The following TAOK1 variants were observed in gnomAD, a reference collection of about 807,000 sequenced individuals.
The protein encoded by TAOK1 is TAO kinase 1.
Under a neutral mutation model 138.3 loss-of-function variants are expected in TAOK1, and 21 were observed. The observed-to-expected ratio is 0.15, with a 90% CI of 0.11 to 0.22. The LOEUF (loss-of-function observed/expected upper bound fraction) is 0.22, where lower values mean the gene tolerates loss of function less well. TAOK1 is among the 10% of genes least tolerant of loss of function. The pLI, the probability that TAOK1 is intolerant of heterozygous loss-of-function variation, is 1.00. For synonymous variants in TAOK1, 361 were observed against 398.4 expected (o/e 0.91, Z 1.12); for missense variants, 651 against 1,227.7 (o/e 0.53, Z 7.02).
At chr17:29,429,437 G>A (rs1905757870) in intron 1 of TAOK1, among the ~76,000 whole-genome samples, 1 of 151,896 alleles carries the variant, frequency 6.6e-6, no homozygotes, top group Admixed American at 6.6e-5. Flanking sequence ...ACCAGGACCG[G>A]CTAATTTTTG....
At chr17:29,522,231 G>A in intron 16 of TAOK1, 49 bp from the exon 17 acceptor site, 1 of 1,585,086 alleles carries the variant, frequency 6.3e-7, no homozygotes, top group Non-Finnish European at 8.6e-7. Context: ...CTTTTTTCTG[G>A]CATTATACAG....
intron 1 of TAOK1, among the ~76,000 whole-genome samples, chr17:29,413,758 T>C (rs148828474): frequency 1.3e-5 from 2 of 152,136 alleles, no homozygotes; most frequent in Non-Finnish European, 2.9e-5. Flanking sequence ...TGCTCGCTAT[T>C]TTCCTCTCTT....
intron 1 of TAOK1, among the ~76,000 whole-genome samples, chr17:29,410,630 T>G (rs983847131): frequency 2.5e-4 from 38 of 150,456 alleles, no homozygotes; most frequent in Non-Finnish European, 2.4e-4. Context: ...TTTTTTTTTT[T>G]TTTGGTTTTT....
intron 10 of TAOK1, among the ~76,000 whole-genome samples, chr17:29,494,509 C>G (rs1390458538): frequency 1.3e-5 from 2 of 151,820 alleles, no homozygotes; most frequent in Non-Finnish European, 2.9e-5. Flanking sequence ...TTTGAGCTAA[C>G]AAAGGAGGTA....
At chr17:29,449,570 G>C (rs1816609126) in intron 1 of TAOK1, among the ~76,000 whole-genome samples, 1 of 152,166 alleles carries the variant, frequency 6.6e-6, no homozygotes, top group Admixed American at 6.5e-5. Context: ...GCCAGGTGTG[G>C]TGGCTTATGC....
intron 8 of TAOK1, among the ~76,000 whole-genome samples, chr17:29,488,967 A>ATTG (rs2153027449): frequency 6.6e-6 from 1 of 152,310 alleles, no homozygotes; most frequent in South Asian, 2.1e-4. Context: ...TTCCTTGAAG[A>ATTG]TTAACAATAC....
chr17:29,532,741 A>G (rs930599148), intron 18 of TAOK1, among the ~76,000 whole-genome samples: 16 of 151,994 alleles, frequency 1.1e-4, no homozygotes, highest in Admixed American at 3.3e-4. Flanking sequence ...TCCCATGTCT[A>G]CTTCTTTCTA....
rs186820065 is a variant in TAOK1 at position 29,423,467 on chromosome 17, T to G, written c.-94-27988T>G. On this transcript the variant is annotated intron_variant, in intron 1 of 19. Transcript: ENST00000261716. ...CTCCTGACCTCATGATCCACCTGCC[T>G]CGGCCTCCCAAAGTGCTGGGATTAC... Among the ~76,000 whole-genome samples, 315 of 152,000 alleles carry G rather than the reference T, an allele frequency of 2.1e-3. 6 individuals are homozygous for G. In the East Asian group the frequency reaches 0.036, roughly 17 times the overall value.
chr17:29,529,342 T>C (rs1598524175), intron 17 of TAOK1, among the ~76,000 whole-genome samples: 1 of 152,286 alleles, frequency 6.6e-6, no homozygotes, highest in East Asian at 1.9e-4. Flanking sequence ...ATAATTACTG[T>C]ACTTTTAGGG....
chr17:29,506,136 T>G (rs1041168347), intron 13 of TAOK1, among the ~76,000 whole-genome samples: 2 of 152,176 alleles, frequency 1.3e-5, no homozygotes, highest in Non-Finnish European at 2.9e-5. Flanking sequence ...GGAACTGAAA[T>G]TAATATGTTG....
At chr17:29,532,976 C>G (rs1313017416) in intron 18 of TAOK1, among the ~76,000 whole-genome samples, 2 of 114,328 alleles carry the variant, frequency 1.7e-5, no homozygotes, top group Non-Finnish European at 1.9e-5. Context: ...GGCGGGTGGC[C>G]GGGCAGGGGG....
In TAOK1 at chr17:29,451,513, T is replaced by C; in HGVS notation, c.-36T>C. ...TGAACCAAGGATCGGGATAGCAGTA[T>C]AAAATTAGAATCAAGACAGCTGACT... On this transcript the variant is annotated 5_prime_UTR_variant, in exon 2 of 20. Coordinates refer to ENST00000261716, the MANE Select transcript of TAOK1 (RefSeq NM_020791.4). 2 of 1,587,442 alleles carry C rather than the reference T, an allele frequency of 1.3e-6. No individual in the cohort carries two copies. Among genetic ancestry groups the C allele is most frequent in the Admixed American group, 3.6e-5 (2 of 55,446 alleles).
At chr17:29,420,659 C>T (rs2153021732) in intron 1 of TAOK1, among the ~76,000 whole-genome samples, 1 of 142,980 alleles carries the variant, frequency 7.0e-6, no homozygotes, top group Non-Finnish European at 1.5e-5. Flanking sequence ...GATCTCGGGT[C>T]ACTGCAACCT....
At chr17:29,541,677 G>A (rs1215714089) in intron 19 of TAOK1, among the ~76,000 whole-genome samples, 2 of 150,838 alleles carry the variant, frequency 1.3e-5, no homozygotes, top group East Asian at 2.1e-4. Context: ...ATGGGAGGCT[G>A]AGGCTAGAGA....
At chr17:29,503,212 C>T (rs1436471502) in intron 13 of TAOK1, among the ~76,000 whole-genome samples, 1 of 151,652 alleles carries the variant, frequency 6.6e-6, no homozygotes, top group Admixed American at 6.6e-5. Flanking sequence ...TTGGCTAACA[C>T]GATGAAACCC....
Position 29,542,826 on chromosome 17 carries a change from T to C in TAOK1, c.2810T>C (p.Met937Thr). 1.2e-6 allele frequency: 2 copies of C among 1,614,154 alleles called. No individual in the cohort carries two copies. Among genetic ancestry groups the C allele is most frequent in the Non-Finnish European group, 1.7e-6 (2 of 1,180,010 alleles). ...GGPPQAWGHPMQGGPQPWGHP... is the reference protein window; with the variant it reads ...GGPPQAWGHPTQGGPQPWGHP... ...CCACCACAAGCTTGGGGCCATCCAA[T>C]GCAAGGTGGACCCCAGCCATGGGGT... Residue 937 changes from methionine (M) to threonine (T), a missense_variant, in exon 20 of 20, where the codon ATG (methionine) becomes ACG (threonine). Transcript: ENST00000261716.
At chr17:29,528,898 A>AATAAATGT (rs1424655571) in intron 17 of TAOK1, among the ~76,000 whole-genome samples, 4 of 151,500 alleles carry the variant, frequency 2.6e-5, no homozygotes, top group African/African-American at 9.7e-5. Context: ...AAACGAACAG[A>AATAAATGT]ATAAATGTGC....
At position 29,406,816 on chromosome 17, in the gene TAOK1, C is replaced by T. The variant is rs75047409; in HGVS notation, c.-95+15792C>T. On this transcript the variant is annotated intron_variant, in intron 1 of 19. Coordinates refer to ENST00000261716, the MANE Select transcript of TAOK1 (RefSeq NM_020791.4). ...CTCCCGGGCTAAAGTGATCCTCACA[C>T]CTCGGCCTCCCAAAGTACTGGCATT... Among the ~76,000 whole-genome samples the T allele has an allele frequency of 5.0e-3, 754 of 152,298 alleles. 12 individuals are homozygous for T. Among genetic ancestry groups the T allele is most frequent in the African/African-American group, 0.018 (728 of 41,564 alleles).
intron 12 of TAOK1, among the ~76,000 whole-genome samples, chr17:29,500,637 A>C (rs928545221): frequency 1.3e-5 from 2 of 151,770 alleles, no homozygotes; most frequent in Non-Finnish European, 2.9e-5. Context: ...GCTACTCAGG[A>C]GTCTGAGACA....
Sources: gnomAD v4.1 joint callset for allele counts (sites outside exome capture counted in the v4.1 genomes callset) on GRCh38, gnomAD v4.1.1 for gene constraint, MANE v1.5 for transcripts, NCBI Gene and HGNC (gene_info 2026-07-23, HGNC 2026-07-21) for gene names.